Variants in CABCOCO1 observed in about 807,000 individuals in gnomAD.
The protein encoded by CABCOCO1 is ciliary-associated calcium-binding coiled-coil protein 1.
A neutral mutation model predicts 35.7 loss-of-function variants in CABCOCO1; 28 were observed. The observed-to-expected ratio is 0.78, with a 90% CI of 0.58 to 1.07. The LOEUF is 1.07. Among genes scored for constraint, CABCOCO1 ranks in the 50% least tolerant of loss-of-function variants. The pLI, the probability that CABCOCO1 is intolerant of heterozygous loss-of-function variation, is 0.00. For missense variants in CABCOCO1, 326 were observed against 309.2 expected (o/e 1.05, Z -0.41); for synonymous variants, 95 against 100.1 (o/e 0.95, Z 0.30).
rs1564527364 is a variant in CABCOCO1 at position 61,666,994 on chromosome 10, T to TA, written c.60+3962_60+3963insA. The stretch of plus-strand genomic sequence containing the variant: ...TATTATATATAAATATAATTATATA[T>TA]TATATATAAATTTCATATAGTATAT... On this transcript the variant is annotated intron_variant, in intron 1 of 7. Transcript: ENST00000648843. Among the ~76,000 whole-genome samples, 4 of 142,222 alleles carry TA rather than the reference T, an allele frequency of 2.8e-5. No individual in the cohort carries two copies. In the East Asian group the frequency reaches 7.8e-4, roughly 28 times the overall value. The allele number at this position is 142,222 out of a possible 152,430, so 93.3% of individuals were successfully genotyped here.
rs1220818146 is a variant in CABCOCO1, at chr10:61,731,886, G to C, written c.553-28173G>C. Among the ~76,000 whole-genome samples the C allele has an allele frequency of 2.0e-5, 3 of 151,834 alleles. No individual in the cohort carries two copies. The East Asian group carries it at 5.8e-4, about 29-fold the overall frequency. On this transcript the variant is annotated intron_variant, in intron 5 of 7. Coordinates refer to ENST00000648843, the MANE Select transcript of CABCOCO1 (RefSeq NM_001366906.2). The stretch of plus-strand genomic sequence containing the variant: ...AAATTGCTTCACCCTTAATATAGAT[G>C]CCAGAAGTTACATTATTTTGAGTGA...
At chr10:61,671,270 G>A (rs1285646497) in intron 1 of CABCOCO1, among the ~76,000 whole-genome samples, 2 of 151,772 alleles carry the variant, frequency 1.3e-5, no homozygotes, top group Non-Finnish European at 2.9e-5. Flanking sequence ...AGCTTGCAGT[G>A]AGCCGAGATC....
chr10:61,708,106 C>G (rs71507185), intron 5 of CABCOCO1, among the ~76,000 whole-genome samples: 2,357 of 151,578 alleles, frequency 0.016, 40 homozygotes, highest in East Asian at 0.046. Context: ...CAATCTATTA[C>G]TACATCTTAT....
intron 5 of CABCOCO1, among the ~76,000 whole-genome samples, chr10:61,727,538 A>G (rs1841187072): frequency 6.6e-6 from 1 of 152,178 alleles, no homozygotes; most frequent in Admixed American, 6.5e-5. Context: ...AAAACTAGAA[A>G]TGTCTGTTTT....
rs116530534 is a variant in CABCOCO1, at chr10:61,682,140, T to C, written c.334+828T>C. ...CTCACATCCCAAATTTGAGAAGATATTTCTTTTTTAAACTTTTCCTGTAAC... is the reference window on the plus strand; with the variant it reads ...CTCACATCCCAAATTTGAGAAGATACTTCTTTTTTAAACTTTTCCTGTAAC... On this transcript the variant is annotated intron_variant, in intron 3 of 7. Transcript: ENST00000648843. Among the ~76,000 whole-genome samples, 635 of 152,294 alleles carry C rather than the reference T, an allele frequency of 4.2e-3. 5 individuals are homozygous for C. Among genetic ancestry groups the C allele is most frequent in the African/African-American group, 0.014 (580 of 41,570 alleles).
chr10:61,724,980 C>T (rs1241541919), intron 5 of CABCOCO1, among the ~76,000 whole-genome samples: 9 of 152,086 alleles, frequency 5.9e-5, no homozygotes, highest in Admixed American at 5.9e-4. Flanking sequence ...TTCATCTTAC[C>T]GAATATCTTT....
chr10:61,677,319 T>C (rs982305404), intron 2 of CABCOCO1, among the ~76,000 whole-genome samples: 4 of 152,074 alleles, frequency 2.6e-5, no homozygotes, highest in African/African-American at 7.2e-5. Context: ...AAGATCTTAA[T>C]TGATCATTTC....
At chr10:61,706,201 A>T (rs1840588379) in intron 5 of CABCOCO1, among the ~76,000 whole-genome samples, 1 of 152,226 alleles carries the variant, frequency 6.6e-6, no homozygotes. Context: ...CTTTTTATGT[A>T]ATAAATACTG....
In CABCOCO1 at chr10:61,664,585, A is replaced by T. The variant is rs550298989; in HGVS notation, c.60+1553A>T. On this transcript the variant is annotated intron_variant, in intron 1 of 7. Transcript: ENST00000648843. The stretch of plus-strand genomic sequence containing the variant: ...TTGGAGGGCCAGGTATTCTCATGAC[A>T]TGCAATTCAGGATGTGCTCAATCAC... 1.6e-4 allele frequency among the ~76,000 whole-genome samples: 24 copies of T among 152,320 alleles called. No homozygotes were observed. The South Asian group carries it at 5.0e-3, about 32-fold the overall frequency.
intron 7 of CABCOCO1, among the ~76,000 whole-genome samples, chr10:61,762,304 A>G (rs1187166563): frequency 1.3e-5 from 2 of 152,114 alleles, no homozygotes; most frequent in Admixed American, 6.6e-5. Flanking sequence ...CATTGAAATT[A>G]TTTTAAATAT....
intron 1 of CABCOCO1, among the ~76,000 whole-genome samples, chr10:61,665,747 C>A (rs1000219430): frequency 2.6e-5 from 4 of 151,520 alleles, no homozygotes; most frequent in African/African-American, 9.7e-5. Flanking sequence ...ATTAGCCGGG[C>A]GTGGTAGCGG....
At chr10:61,687,584 A>T (rs11593090) in intron 4 of CABCOCO1, among the ~76,000 whole-genome samples, 117,697 of 152,008 alleles carry the variant, frequency 0.77, 46,312 homozygotes, top group Middle Eastern at 0.94. Context: ...TTCTGGAAGG[A>T]GAAGGATGAC....
At chr10:61,678,769 T>C (rs10994870) in intron 2 of CABCOCO1, among the ~76,000 whole-genome samples, 60,187 of 151,982 alleles carry the variant, frequency 0.4, 14,009 homozygotes, top group Middle Eastern at 0.54. Context: ...GAATTATTTA[T>C]AATAATTTAG....
chr10:61,762,562 T>C (rs1489837861), intron 7 of CABCOCO1, among the ~76,000 whole-genome samples: 1 of 152,110 alleles, frequency 6.6e-6, no homozygotes, highest in Non-Finnish European at 1.5e-5. Context: ...TGAAATAGCA[T>C]GATGATGTGG....
intron 1 of CABCOCO1, among the ~76,000 whole-genome samples, chr10:61,667,041 A>G (rs1045226924): frequency 7.0e-6 from 1 of 142,358 alleles, no homozygotes; most frequent in African/African-American, 2.6e-5. Flanking sequence ...TATATTATAT[A>G]TAAATTTCAT....
At chr10:61,688,110 C>T (rs1028188262) in intron 4 of CABCOCO1, among the ~76,000 whole-genome samples, 3 of 151,910 alleles carry the variant, frequency 2.0e-5, no homozygotes, top group African/African-American at 7.3e-5. Flanking sequence ...CCATGGCACC[C>T]GTTTAAACCT....
intron 5 of CABCOCO1, 25 bp downstream of exon 5, chr10:61,690,646 A>C (rs2131994631): frequency 6.7e-7 from 1 of 1,482,354 alleles, no homozygotes; most frequent in Non-Finnish European, 9.4e-7. Flanking sequence ...TAGATGGAAC[A>C]AGTTAAGCAG....
chr10:61,745,298 GTT>G (rs1181361100), intron 5 of CABCOCO1, among the ~76,000 whole-genome samples: 1 of 152,124 alleles, frequency 6.6e-6, no homozygotes, highest in Non-Finnish European at 1.5e-5. Context: ...ATTTTGACAT[GTT>G]TTTATATTCC....
At chr10:61,735,914 A>G (rs992663970) in intron 5 of CABCOCO1, among the ~76,000 whole-genome samples, 10 of 152,134 alleles carry the variant, frequency 6.6e-5, no homozygotes, top group African/African-American at 1.4e-4. Flanking sequence ...TATCAGTGAT[A>G]TTGAACTTTT....
Sources: allele counts gnomAD v4.1 joint callset (sites outside exome capture counted in the v4.1 genomes callset), GRCh38; gene constraint gnomAD v4.1.1; transcripts MANE v1.5; gene names NCBI Gene and HGNC (gene_info 2026-07-23, HGNC 2026-07-21).